The following TANC2 variants were observed in gnomAD, a reference collection of about 807,000 sequenced individuals.
The protein encoded by TANC2 is tetratricopeptide repeat, ankyrin repeat and coiled-coil containing 2.
TANC2 carries 26 observed loss-of-function variants against 210.5 expected under a neutral mutation model. The ratio of observed to expected loss-of-function variants is 0.12; its 90% CI spans 0.09 to 0.17. The LOEUF (loss-of-function observed/expected upper bound fraction) is 0.17. Among genes scored for constraint, TANC2 ranks in the 10% least tolerant of loss-of-function variants. The pLI is 1.00. For synonymous variants in TANC2, 931 were observed against 967.1 expected (o/e 0.96, Z 0.69); for missense variants, 2,129 against 2,608.9 (o/e 0.82, Z 4.01).
At chr17:63,175,334 C>G (rs941889841) in intron 5 of TANC2, among the ~76,000 whole-genome samples, 3 of 151,810 alleles carry the variant, frequency 2.0e-5, no homozygotes, top group Admixed American at 6.6e-5. Flanking sequence ...TGTGACCAGC[C>G]CTGGCAACCT....
chr17:63,378,380 T>C (rs144936404), intron 14 of TANC2, among the ~76,000 whole-genome samples: 45 of 152,122 alleles, frequency 3.0e-4, no homozygotes, highest in Admixed American at 1.0e-3. Flanking sequence ...AGTGTATCAT[T>C]AGGATGCTTT....
chr17:63,208,630 T>A (rs887292557), intron 7 of TANC2, among the ~76,000 whole-genome samples: 1 of 152,208 alleles, frequency 6.6e-6, no homozygotes, highest in Non-Finnish European at 1.5e-5. Context: ...TTTCCAATAT[T>A]AAATCTTCTA....
rs564141131 is a variant in TANC2, at chr17:63,212,386, A to G, written c.769+11429A>G. Among the ~76,000 whole-genome samples, 6 of 152,260 alleles carry G rather than the reference A, an allele frequency of 3.9e-5. No homozygotes were observed. The South Asian group carries it at 1.0e-3, about 26-fold the overall frequency. Reference sequence around the variant, plus strand: ...ATTAGATTATCTATAATTGGATATCATCTATATTGCCATACATAAAAATAG... The same window carrying G: ...ATTAGATTATCTATAATTGGATATCGTCTATATTGCCATACATAAAAATAG... On this transcript the variant is annotated intron_variant, in intron 7 of 27. Coordinates refer to ENST00000689528, the Ensembl canonical transcript of TANC2.
At chr17:63,068,124 C>T (rs1345831276) in intron 2 of TANC2, among the ~76,000 whole-genome samples, 1 of 152,026 alleles carries the variant, frequency 6.6e-6, no homozygotes, top group Non-Finnish European at 1.5e-5. Context: ...GTAGATTTCT[C>T]ATCAGAAAAC....
intron 9 of TANC2, among the ~76,000 whole-genome samples, chr17:63,284,163 C>T (rs1055525789): frequency 6.6e-6 from 1 of 151,804 alleles, no homozygotes; most frequent in Non-Finnish European, 1.5e-5. Context: ...TTTTTTCAAT[C>T]AGGAATTTAT....
intron 3 of TANC2, among the ~76,000 whole-genome samples, chr17:63,094,994 C>T (rs2037334102): frequency 6.6e-6 from 1 of 151,990 alleles, no homozygotes; most frequent in Non-Finnish European, 1.5e-5. Flanking sequence ...GATTCCTCCC[C>T]CGCCCCGCCT....
intron 1 of TANC2, among the ~76,000 whole-genome samples, chr17:62,993,129 G>A (rs1228952375): frequency 3.3e-5 from 5 of 152,040 alleles, no homozygotes; most frequent in Non-Finnish European, 7.3e-5. Flanking sequence ...GGTCTGCCTG[G>A]GTAAAATTCA....
At chr17:63,087,738 G>A (rs2037028429) in intron 3 of TANC2, among the ~76,000 whole-genome samples, 1 of 152,050 alleles carries the variant, frequency 6.6e-6, no homozygotes, top group Non-Finnish European at 1.5e-5. Flanking sequence ...GATTTCTCAG[G>A]CTTGTCTGCC....
At chr17:63,278,069 G>A (rs1192962652) in intron 9 of TANC2, among the ~76,000 whole-genome samples, 2 of 152,060 alleles carry the variant, frequency 1.3e-5, no homozygotes, top group Non-Finnish European at 2.9e-5. Flanking sequence ...TACTCAGGAG[G>A]ATCACTTGAG....
intron 3 of TANC2, among the ~76,000 whole-genome samples, chr17:63,085,995 A>G (rs1300998741): frequency 6.6e-6 from 1 of 151,776 alleles, no homozygotes; most frequent in African/African-American, 2.4e-5. Context: ...TCACTTTTGA[A>G]GGATGATTCT....
chr17:63,028,995 A>G (rs1348155992), intron 2 of TANC2, among the ~76,000 whole-genome samples: 4 of 152,090 alleles, frequency 2.6e-5, no homozygotes, highest in Non-Finnish European at 2.9e-5. Flanking sequence ...TGGTTTTACT[A>G]TTTTACAGGA....
intron 4 of TANC2, chr17:63,150,801 T>G (rs879431640): frequency 6.6e-6 from 1 of 152,186 alleles, no homozygotes; most frequent in Non-Finnish European, 1.5e-5. Context: ...ACCTTTTGAT[T>G]ACAGTTATTA....
intron 7 of TANC2, among the ~76,000 whole-genome samples, chr17:63,206,748 A>G (rs1223009271): frequency 6.6e-6 from 1 of 152,154 alleles, no homozygotes; most frequent in East Asian, 1.9e-4. Context: ...TTATTGTTTA[A>G]TGGATACAGA....
intron 7 of TANC2, among the ~76,000 whole-genome samples, chr17:63,223,624 A>G (rs895309721): frequency 4.6e-5 from 7 of 151,946 alleles, no homozygotes; most frequent in Non-Finnish European, 7.4e-5. Flanking sequence ...GAGTGTTAAG[A>G]CTTTTCTAGA....
At position 62,983,418 on chromosome 17, in the gene TANC2, G is replaced by T. The variant is rs143732299; in HGVS notation, c.-24+16669G>T. On this transcript the variant is annotated intron_variant, in intron 1 of 27. Coordinates refer to ENST00000689528, the Ensembl canonical transcript of TANC2. ...ATAAGATCATGTCATCTGCAAACAG[G>T]TTCAGTTTGACTTTCTCCTTTGTAA... Among the ~76,000 whole-genome samples, 523 of 151,934 alleles carry T rather than the reference G, an allele frequency of 3.4e-3. 3 individuals carry two copies. The highest frequency in any genetic ancestry group is 5.6e-3 in the Admixed American group (86 of 15,256).
At chr17:63,417,488 C>T (rs1385199146) in intron 26 of TANC2, among the ~76,000 whole-genome samples, 1 of 152,038 alleles carries the variant, frequency 6.6e-6, no homozygotes, top group Non-Finnish European at 1.5e-5. Flanking sequence ...GCGTGTTCCT[C>T]TAGGGAGAGC....
At chr17:63,282,179 G>T (rs1021396626) in intron 9 of TANC2, among the ~76,000 whole-genome samples, 1 of 151,752 alleles carries the variant, frequency 6.6e-6, no homozygotes, top group African/African-American at 2.4e-5. Flanking sequence ...GCCAGAATTC[G>T]TTATTTGAAA....
chr17:63,097,553 T>C lies in TANC2; in HGVS notation c.140-1622T>C, dbSNP rs539061108. On this transcript the variant is annotated intron_variant, in intron 3 of 27. Transcript: ENST00000689528. ...ACATAAAATACACCAACAGTAACGA[T>C]AGCTGATAAGCTTTAAAAAATTGCA... Among the ~76,000 whole-genome samples the C allele has an allele frequency of 5.3e-5, 8 of 149,770 alleles. No homozygotes were observed. The South Asian group carries it at 8.4e-4, about 16-fold the overall frequency.
chr17:63,181,543 T>C (rs1005624077), intron 5 of TANC2, among the ~76,000 whole-genome samples: 1 of 152,242 alleles, frequency 6.6e-6, no homozygotes, highest in Non-Finnish European at 1.5e-5. Context: ...CCCAGAGGTC[T>C]GTATTTAAAA....
Sources: gnomAD v4.1 joint callset for allele counts (sites outside exome capture counted in the v4.1 genomes callset) on GRCh38, gnomAD v4.1.1 for gene constraint, MANE v1.5 for transcripts, NCBI Gene and HGNC (gene_info 2026-07-23, HGNC 2026-07-21) for gene names.